CAST: variants seen among roughly 807,000 people sequenced by gnomAD.
CAST encodes calpastatin.
Under a neutral mutation model 119.6 loss-of-function variants are expected in CAST, and 76 were observed. The ratio of observed to expected loss-of-function variants is 0.64; its 90% confidence interval spans 0.53 to 0.77. CAST has a LOEUF of 0.77. Ranked by LOEUF, CAST falls within the 30% of genes least tolerant of loss-of-function variation. CAST has a pLI of 0.00. For synonymous variants in CAST, 319 were observed against 331.6 expected (o/e 0.96, Z 0.41); for missense variants, 953 against 946.5 (o/e 1.01, Z -0.09).
chr5:96,740,520 C>T (rs543061302), intron 12 of CAST, among the ~76,000 whole-genome samples: 257 of 152,156 alleles, frequency 1.7e-3, no homozygotes, highest in Non-Finnish European at 2.8e-3. Flanking sequence ...TTTATAAGGA[C>T]GCGCATCATA....
the CAST span, among the ~76,000 whole-genome samples, chr5:96,103,081 T>C: frequency 6.6e-6 from 1 of 152,122 alleles, no homozygotes; most frequent in Non-Finnish European, 1.5e-5. Flanking sequence ...CTGTCAAAGG[T>C]GGATACAAAA....
chr5:96,421,915 A>C, the CAST span: 2 of 1,576,484 alleles, frequency 1.3e-6, no homozygotes, highest in Non-Finnish European at 1.7e-6. Context: ...GGGGAAATGG[A>C]TCATGGTCAT....
At chr5:96,480,283 A>G in the CAST span, among the ~76,000 whole-genome samples, 1 of 152,216 alleles carries the variant, frequency 6.6e-6, no homozygotes, top group African/African-American at 2.4e-5. Context: ...CAGGAAGAGT[A>G]GAATTGAATA....
chr5:96,698,922 A>G (rs1439364754), intron 3 of CAST, among the ~76,000 whole-genome samples: 1 of 152,228 alleles, frequency 6.6e-6, no homozygotes, highest in African/African-American at 2.4e-5. Context: ...TAAGCTATGT[A>G]TTAGAGAATG....
the CAST span, among the ~76,000 whole-genome samples, chr5:96,184,906 C>G: frequency 2.0e-5 from 3 of 152,044 alleles, no homozygotes; most frequent in Admixed American, 1.3e-4. Context: ...GTATTTCTGC[C>G]TCTAGGTTTT....
chr5:96,263,886 C>G, the CAST span, among the ~76,000 whole-genome samples: 15 of 152,264 alleles, frequency 9.9e-5, no homozygotes, highest in East Asian at 2.9e-3. Flanking sequence ...AAGTGCCACA[C>G]TTTAGGACCA....
chr5:96,162,051 T>C, the CAST span, among the ~76,000 whole-genome samples: 9 of 152,340 alleles, frequency 5.9e-5, 1 homozygote, highest in Middle Eastern at 3.4e-3. Context: ...GATCATCTTA[T>C]CTGTAAACAG....
intron 1 of CAST, among the ~76,000 whole-genome samples, chr5:96,604,706 C>A (rs1178087403): frequency 1.3e-5 from 2 of 152,152 alleles, no homozygotes. Flanking sequence ...AAATTTGGGG[C>A]TGATGCAAAA....
At chr5:96,206,675 G>A in the CAST span, among the ~76,000 whole-genome samples, 4 of 152,154 alleles carry the variant, frequency 2.6e-5, no homozygotes, top group Admixed American at 1.3e-4. Flanking sequence ...GTCTAATTTT[G>A]TACCAGTGTC....
At chr5:96,484,143 T>A in the CAST span, among the ~76,000 whole-genome samples, 1 of 152,126 alleles carries the variant, frequency 6.6e-6, no homozygotes, top group African/African-American at 2.4e-5. Flanking sequence ...CCTGCCAGCC[T>A]TTTTACATGA....
intron 1 of CAST, among the ~76,000 whole-genome samples, chr5:96,617,342 T>C (rs1188337753): frequency 6.6e-6 from 1 of 152,098 alleles, no homozygotes; most frequent in East Asian, 1.9e-4. Flanking sequence ...TGGCGATTAT[T>C]TGGGTATATT....
intron 1 of CAST, among the ~76,000 whole-genome samples, chr5:96,538,905 T>C (rs6893859): frequency 0.61 from 92,243 of 151,286 alleles, 28,442 homozygotes; most frequent in East Asian, 0.86. Flanking sequence ...CAGAGAGGTA[T>C]TCTGCTGCTA....
chr5:96,482,479 C>A, the CAST span, among the ~76,000 whole-genome samples: 1 of 151,596 alleles, frequency 6.6e-6, no homozygotes, highest in Non-Finnish European at 1.5e-5. Flanking sequence ...ATCCTGATGT[C>A]TATTATGCTT....
the CAST span, among the ~76,000 whole-genome samples, chr5:96,270,469 A>G: frequency 6.6e-6 from 1 of 152,218 alleles, no homozygotes; most frequent in Non-Finnish European, 1.5e-5. Context: ...TTTGCAGACA[A>G]CATGATGTTA....
the CAST span, among the ~76,000 whole-genome samples, chr5:95,988,366 G>A: frequency 7.9e-5 from 12 of 151,922 alleles, no homozygotes; most frequent in Admixed American, 5.9e-4. Context: ...TGAAGCTGCC[G>A]GTATGTGTGT....
At chr5:96,106,400 C>T in the CAST span, among the ~76,000 whole-genome samples, 1 of 152,152 alleles carries the variant, frequency 6.6e-6, no homozygotes, top group African/African-American at 2.4e-5. Context: ...TTGAATGCGT[C>T]CCAGAGATTC....
the CAST span, among the ~76,000 whole-genome samples, chr5:96,484,380 A>T: frequency 6.6e-6 from 1 of 152,200 alleles, no homozygotes; most frequent in Non-Finnish European, 1.5e-5. Flanking sequence ...TTGTGATTAA[A>T]CACTATACTT....
chr5:96,113,046 T>C, the CAST span, among the ~76,000 whole-genome samples: 1 of 152,222 alleles, frequency 6.6e-6, no homozygotes, highest in Non-Finnish European at 1.5e-5. Context: ...CATAGATGGT[T>C]GATCCCATCT....
chr5:96,598,436 C>T (rs1747090497), intron 1 of CAST, among the ~76,000 whole-genome samples: 1 of 152,100 alleles, frequency 6.6e-6, no homozygotes, highest in African/African-American at 2.4e-5. Context: ...ACTGGCTCCC[C>T]TCTCAGCTGC....
Sources: allele counts gnomAD v4.1 joint callset (sites outside exome capture counted in the v4.1 genomes callset), GRCh38; gene constraint gnomAD v4.1.1; transcripts MANE v1.5; gene names NCBI Gene and HGNC (gene_info 2026-07-23, HGNC 2026-07-21).